Variants in FAT4 observed in about 807,000 individuals in gnomAD.
FAT4 encodes protocadherin Fat 4.
Under a neutral mutation model 303.9 loss-of-function variants are expected in FAT4, and 84 were observed. That is an observed-to-expected ratio of 0.28 (90% CI 0.23 to 0.33). The LOEUF (loss-of-function observed/expected upper bound fraction) is 0.33. FAT4 is among the 10% of genes least tolerant of loss of function. FAT4 has a pLI of 1.00. For synonymous variants in FAT4, 2,307 were observed against 2,298.8 expected (o/e 1.00, Z -0.10); for missense variants, 6,005 against 6,146.8 (o/e 0.98, Z 0.77).
At chr4:125,372,021 G>A (rs969474575) in intron 2 of FAT4, among the ~76,000 whole-genome samples, 1 of 151,914 alleles carries the variant, frequency 6.6e-6, no homozygotes, top group African/African-American at 2.4e-5. Context: ...AAAGAAGAAC[G>A]AAATGGATGA....
chr4:125,476,043 T>C (rs1177980236), intron 12 of FAT4, 128 bp from the exon 13 acceptor site: 1 of 468,908 alleles, frequency 2.1e-6, no homozygotes, highest in Non-Finnish European at 3.9e-6. Context: ...ATTTATACAT[T>C]AAATCAAGAT....
chr4:125,476,255 T>A lies in FAT4; in HGVS notation c.12298T>A (p.Trp4100Arg). The A allele has an allele frequency of 6.4e-7, 1 of 1,564,270 alleles. No individual in the cohort carries two copies. Among genetic ancestry groups the A allele is most frequent in the Non-Finnish European group, 8.8e-7 (1 of 1,142,850 alleles). ...CAGTAATGTGGCAGTTTCAGATGAC[T>A]GGTAAGGAATAGGATTAGTTTAATT... The part of the protein sequence containing the change: ...TVSNVAVSDD[W>R]TLDVQPNRVT... Residue 4100 changes from tryptophan to arginine, a missense_variant and splice_region_variant, in exon 13 of 18, where the codon TGG becomes AGG. Transcript: ENST00000394329.
intron 12 of FAT4, among the ~76,000 whole-genome samples, chr4:125,471,149 C>T (rs770795161): frequency 2.0e-5 from 3 of 152,164 alleles, no homozygotes; most frequent in Non-Finnish European, 4.4e-5. Flanking sequence ...ATTAAGCTTG[C>T]CATCGTATAT....
chr4:125,433,713 TG>T (rs1725354871), intron 7 of FAT4, among the ~76,000 whole-genome samples: 1 of 152,206 alleles, frequency 6.6e-6, no homozygotes, highest in African/African-American at 2.4e-5. Flanking sequence ...ATAACACTTT[TG>T]AGATATAACT....
In FAT4 at chr4:125,491,720, G is replaced by A. The variant is rs1177576091; in HGVS notation, c.14904G>A (p.Gly4968=). ...KAAANEEGKA[G]TTKPVPKDGE... is the part of the protein sequence containing the mutation. Reference sequence around the variant, plus strand: ...CAGCAAATGAAGAAGGCAAAGCTGGGACAACTAAACCAGTCCCCAAAGATG... The same window carrying A: ...CAGCAAATGAAGAAGGCAAAGCTGGAACAACTAAACCAGTCCCCAAAGATG... Residue 4968 remains glycine (G), a synonymous_variant, in exon 18 of 18, where the codon GGG becomes GGA. Transcript: ENST00000394329. The A allele has an allele frequency of 6.2e-7, 1 of 1,614,036 alleles. No homozygotes were observed. Among genetic ancestry groups the A allele is most frequent in the Non-Finnish European group, 8.5e-7 (1 of 1,179,952 alleles).
chr4:125,413,563 T>A (rs2126025555), intron 5 of FAT4, among the ~76,000 whole-genome samples: 1 of 151,906 alleles, frequency 6.6e-6, no homozygotes, highest in African/African-American at 2.4e-5. Context: ...TGTTTCAAAT[T>A]AGGCAAAGGA....
In FAT4 at chr4:125,449,354, C is replaced by T. The variant is rs776841261; in HGVS notation, c.8344C>T (p.His2782Tyr). 2 of 1,613,772 alleles carry T rather than the reference C, an allele frequency of 1.2e-6. No individual in the cohort carries two copies. The highest frequency in any genetic ancestry group is 1.3e-5 in the African/African-American group (1 of 75,012). Reference protein sequence around the residue: ...APRFSQIFSAHVPENSPLGYT... With the variant: ...APRFSQIFSAYVPENSPLGYT... ...TAGGTTTTCTCAGATATTTAGTGCCCATGTTCCTGAAAATTCCCCCTTAGG... is the reference window on the plus strand; with the variant it reads ...TAGGTTTTCTCAGATATTTAGTGCCTATGTTCCTGAAAATTCCCCCTTAGG... Residue 2782 changes from histidine (H) to tyrosine (Y), a missense_variant, in exon 10 of 18, where the codon CAT becomes TAT. Transcript: ENST00000394329.
At chr4:125,414,808 T>C in intron 5 of FAT4, 76 bp from the exon 6 acceptor site, 9 of 971,582 alleles carry the variant, frequency 9.3e-6, no homozygotes, top group Non-Finnish European at 1.3e-5. Flanking sequence ...GCCAAATTAC[T>C]TGCTAAAAGT....
At position 125,318,005 on chromosome 4, in the gene FAT4, GTGACCACTGGGTCC is replaced by G; in HGVS notation, c.1596_1609del (p.Thr533TrpfsTer6). ...CCATATCAGTGAACATAGCGGCCTC[GTGACCACTGGGTCC>G]TCTGGGGGCCTGGACCGTGAACTTG... On this transcript the variant is annotated frameshift_variant, in exon 2 of 18. Transcript: ENST00000394329. LOFTEE classifies it high-confidence loss of function. The G allele has an allele frequency of 6.2e-7, 1 of 1,614,182 alleles. No homozygotes were observed. Among genetic ancestry groups the G allele is most frequent in the Non-Finnish European group, 8.5e-7 (1 of 1,180,020 alleles).
rs535275651 is a variant in FAT4, at chr4:125,409,770, T to C, written c.5920+976T>C. On this transcript the variant is annotated intron_variant, in intron 5 of 17. Transcript: ENST00000394329. ...CTGTTTTGTAAGTATACATATCATA[T>C]AATATAGCATTAGAGAAAACATTGT... is the stretch of plus-strand genomic sequence containing the variant. 1.8e-3 allele frequency among the ~76,000 whole-genome samples: 267 copies of C among 152,312 alleles called. 2 individuals carry two copies. Among genetic ancestry groups the C allele is most frequent in the Non-Finnish European group, 3.1e-3 (208 of 68,024 alleles).
intron 8 of FAT4, among the ~76,000 whole-genome samples, chr4:125,442,009 T>A (rs10025821): frequency 0.99 from 151,290 of 152,324 alleles, 75,137 homozygotes; most frequent in Middle Eastern, 1. Flanking sequence ...CCTATTGTCT[T>A]TGGCTGCTCT....
At chr4:125,456,914 G>A (rs1328608284) in intron 10 of FAT4, among the ~76,000 whole-genome samples, 2 of 152,040 alleles carry the variant, frequency 1.3e-5, no homozygotes, top group East Asian at 1.9e-4. Context: ...CCTTAGTAAA[G>A]CTTCACTTCT....
At chr4:125,396,065 A>G (rs1734156950) in intron 2 of FAT4, among the ~76,000 whole-genome samples, 1 of 152,178 alleles carries the variant, frequency 6.6e-6, no homozygotes, top group Admixed American at 6.6e-5. Context: ...ATATTTGTAT[A>G]GCTGTAGCAT....
chr4:125,484,185 C>T (rs1578697256), intron 16 of FAT4, among the ~76,000 whole-genome samples: 1 of 151,420 alleles, frequency 6.6e-6, no homozygotes, highest in Non-Finnish European at 1.5e-5. Flanking sequence ...GAGAGGGTGT[C>T]AGTGTCAGGT....
intron 7 of FAT4, among the ~76,000 whole-genome samples, chr4:125,428,585 T>G (rs1219564519): frequency 2.0e-5 from 3 of 152,156 alleles, no homozygotes; most frequent in African/African-American, 7.2e-5. Context: ...AGAATTTGGG[T>G]TTTCTTTTTT....
intron 2 of FAT4, among the ~76,000 whole-genome samples, chr4:125,393,620 A>AT (rs917589638): frequency 9.8e-5 from 15 of 152,326 alleles, no homozygotes; most frequent in South Asian, 2.1e-4. Context: ...GCATTATATT[A>AT]TTTTATGCAC....
Position 125,446,446 on chromosome 4 carries a change from C to T in FAT4, c.7353C>T (p.Ser2451=). The change falls in exon 9 of 18, where the codon TCC becomes TCT. Residue 2451 remains serine, a synonymous_variant. Coordinates refer to ENST00000394329, the MANE Select transcript of FAT4 (RefSeq NM_001291303.3). ...GATCCCCAGAGCCTCTTTCCAGTTCCACCAGTGTGCTTGTCACTGTGACTG... is the reference window on the plus strand; with the variant it reads ...GATCCCCAGAGCCTCTTTCCAGTTCTACCAGTGTGCTTGTCACTGTGACTG... ...DAGSPEPLSS[S]TSVLVTVTDV... 3 of 1,613,534 alleles carry T rather than the reference C, an allele frequency of 1.9e-6. No individual in the cohort carries two copies. Among genetic ancestry groups the T allele is most frequent in the South Asian group, 1.1e-5 (1 of 91,066 alleles).
chr4:125,451,237 C>T lies in FAT4; in HGVS notation c.10227C>T (p.Asn3409=), dbSNP rs368992969. The T allele has an allele frequency of 1.5e-5, 25 of 1,614,004 alleles. No homozygotes were observed. The highest frequency in any genetic ancestry group is 2.1e-5 in the Non-Finnish European group (25 of 1,180,036). ...ATGACCCACCCATTTTTACTCTAAA[C>T]ATCTACAGTGTGCAGATCAGTGAAG... ...DANDPPIFTL[N]IYSVQISEGV... The change falls in exon 10 of 18, where the codon AAC becomes AAT. Residue 3409 remains asparagine, a synonymous_variant. Coordinates refer to ENST00000394329, the MANE Select transcript of FAT4 (RefSeq NM_001291303.3).
chr4:125,328,004 C>G (rs971025243), intron 2 of FAT4, among the ~76,000 whole-genome samples: 1 of 152,026 alleles, frequency 6.6e-6, no homozygotes, highest in South Asian at 2.1e-4. Flanking sequence ...CTAGGCCCAG[C>G]GCTTTATAAA....
Sources: allele counts gnomAD v4.1 joint callset (sites outside exome capture counted in the v4.1 genomes callset), GRCh38; gene constraint gnomAD v4.1.1; transcripts MANE v1.5; gene names NCBI Gene and HGNC (gene_info 2026-07-23, HGNC 2026-07-21).